The following ADRA1A variants were observed in gnomAD, a reference collection of about 807,000 sequenced individuals.
ADRA1A encodes adrenoceptor alpha 1A.
In ADRA1A, 31 loss-of-function variants were observed where a neutral mutation model predicts 29.6. The observed-to-expected ratio is 1.05, with a 90% CI of 0.79 to 1.41. ADRA1A has a LOEUF of 1.41. Among genes scored for constraint, ADRA1A ranks in the 40% most tolerant of loss-of-function variants. ADRA1A has a pLI of 0.00. For synonymous variants in ADRA1A, 311 were observed against 254.3 expected, an observed-to-expected ratio of 1.22 and a Z score of -2.12; for missense variants, 619 against 601.1, an observed-to-expected ratio of 1.03 and a Z score of -0.31.
intron 2 of ADRA1A, among the ~76,000 whole-genome samples, chr8:26,793,158 C>A (rs992447677): frequency 6.6e-6 from 1 of 151,658 alleles, no homozygotes; most frequent in Admixed American, 6.6e-5. Context: ...ACCAATAGAG[C>A]CATATTTATT....
rs143698318 is a variant in ADRA1A at position 26,820,867 on chromosome 8, C to T, written c.883+43220G>A. ...CAGACAGATTTAGTGTAACCTTTACCATATGCATTAGGCCATTTTGTTGTT... is the reference window on the plus strand; with the variant it reads ...CAGACAGATTTAGTGTAACCTTTACTATATGCATTAGGCCATTTTGTTGTT... On this transcript the variant is annotated intron_variant, in intron 2 of 2. Coordinates refer to ENST00000380573, the MANE Select transcript of ADRA1A (RefSeq NM_000680.4). 4.2e-3 allele frequency among the ~76,000 whole-genome samples: 587 copies of T among 138,282 alleles called. 5 individuals are homozygous for T. Among genetic ancestry groups the T allele is most frequent in the African/African-American group, 0.015 (524 of 35,040 alleles). The allele number at this position is 138,282 out of a possible 152,430, so 90.7% of individuals were successfully genotyped here.
At chr8:26,772,990 C>T (rs1460417866) in intron 2 of ADRA1A, among the ~76,000 whole-genome samples, 1 of 152,136 alleles carries the variant, frequency 6.6e-6, no homozygotes, top group South Asian at 2.1e-4. Flanking sequence ...TCTTTGAATG[C>T]CTGATTTGAA....
At position 26,865,017 on chromosome 8, in the gene ADRA1A, C is replaced by T. The variant is rs112346960; in HGVS notation, c.-48G>A. On this transcript the variant is annotated 5_prime_UTR_variant, in exon 2 of 3. Coordinates refer to ENST00000380573, the MANE Select transcript of ADRA1A (RefSeq NM_000680.4). This position sits in a 1 kb window ranked among gnomAD's most constrained non-coding sequence, Gnocchi z 7.6. ...GGTCCGGCTGTCCAGGGCCACCTCC[C>T]GGGCTGGCGCGGAGGCGGGAGCGCG... 2 of 1,528,658 alleles carry T rather than the reference C, an allele frequency of 1.3e-6. No individual in the cohort carries two copies. The highest frequency in any genetic ancestry group is 1.3e-5 in the South Asian group (1 of 78,592). 94.7% of individuals were successfully genotyped at this position (1,528,658 alleles called of 1,614,324 possible).
Position 26,805,827 on chromosome 8 carries a change from C to T in ADRA1A, c.884-35161G>A, listed in dbSNP as rs1808931777. 6.6e-6 allele frequency among the ~76,000 whole-genome samples: 1 copy of T among 152,070 alleles called. No individual in the cohort carries two copies. Among genetic ancestry groups the T allele is most frequent in the South Asian group, 2.1e-4 (1 of 4,822 alleles). On this transcript the variant is annotated intron_variant, in intron 2 of 2. Transcript: ENST00000380573. This position sits in a 1 kb window ranked among gnomAD's most constrained non-coding sequence, Gnocchi z 4.8. ...ACACATTTATTTTTAACCATTTTCC[C>T]CCCCACATAGATTTGGCATTATTAA...
chr8:26,778,748 T>A (rs1395513275), intron 2 of ADRA1A, among the ~76,000 whole-genome samples: 1 of 129,120 alleles, frequency 7.7e-6, no homozygotes, highest in African/African-American at 3.0e-5. Flanking sequence ...GAACAATGAC[T>A]ATACTTGGAC....
intron 2 of ADRA1A, among the ~76,000 whole-genome samples, chr8:26,863,435 A>T (rs1194772830): frequency 1.3e-5 from 2 of 152,226 alleles, no homozygotes; most frequent in African/African-American, 4.8e-5. Flanking sequence ...TTATTAAAAT[A>T]AAAAAATAAG....
chr8:26,811,572 G>C (rs1288213528), intron 2 of ADRA1A, among the ~76,000 whole-genome samples: 1 of 152,176 alleles, frequency 6.6e-6, no homozygotes, highest in Non-Finnish European at 1.5e-5. Flanking sequence ...CAGTCCACTA[G>C]AGCCCACTCA....
chr8:26,832,704 G>A (rs1353814452), intron 2 of ADRA1A, among the ~76,000 whole-genome samples: 1 of 152,170 alleles, frequency 6.6e-6, no homozygotes, highest in Admixed American at 6.5e-5. Context: ...ACAGGCTCTG[G>A]GAAGTAGACT....
chr8:26,827,384 T>C (rs1810649118), intron 2 of ADRA1A, among the ~76,000 whole-genome samples: 1 of 152,220 alleles, frequency 6.6e-6, no homozygotes, highest in African/African-American at 2.4e-5. Context: ...ACTTAATTTC[T>C]CTGAGTGTCT....
At chr8:26,813,076 C>T (rs979720852) in intron 2 of ADRA1A, among the ~76,000 whole-genome samples, 7 of 152,058 alleles carry the variant, frequency 4.6e-5, no homozygotes, top group Non-Finnish European at 8.8e-5. Context: ...CACTCATACC[C>T]TTCCTGTCAA....
At chr8:26,799,748 A>T (rs1490598833) in intron 2 of ADRA1A, among the ~76,000 whole-genome samples, 1 of 152,230 alleles carries the variant, frequency 6.6e-6, no homozygotes, top group Admixed American at 6.5e-5. Flanking sequence ...CTCTGGGACA[A>T]TAAGTGAATA....
At chr8:26,760,619 TC>T (rs1195827597) in intron 2 of ADRA1A, among the ~76,000 whole-genome samples, 1 of 152,160 alleles carries the variant, frequency 6.6e-6, no homozygotes, top group East Asian at 1.9e-4. Flanking sequence ...ATCACAGGGC[TC>T]TCATGTGGTC....
downstream of ADRA1A, among the ~76,000 whole-genome samples, chr8:26,762,594 G>A (rs1233846579): frequency 6.6e-6 from 1 of 152,142 alleles, no homozygotes; most frequent in Non-Finnish European, 1.5e-5. This position sits in a 1 kb window ranked among gnomAD's most constrained non-coding sequence, Gnocchi z 4.0. Flanking sequence ...ATAATGGAGA[G>A]GATGGGATCA....
rs1413268417 is a variant in ADRA1A at position 26,796,596 on chromosome 8, TCCTA to T, written c.884-25934_884-25931del. On this transcript the variant is annotated intron_variant, in intron 2 of 2. Coordinates refer to ENST00000380573, the MANE Select transcript of ADRA1A (RefSeq NM_000680.4). The surrounding 1 kb of genome is among the most constrained non-coding windows in gnomAD (Gnocchi z 5.0). ...GAGGAAAGATTCGAGGACAAATGTA[TCCTA>T]CACGTGGCCGCAGAGAACAGACACC... Among the ~76,000 whole-genome samples, 1 of 151,966 alleles carries T rather than the reference TCCTA, an allele frequency of 6.6e-6. No homozygotes were observed. Among genetic ancestry groups the T allele is most frequent in the Non-Finnish European group, 1.5e-5 (1 of 68,004 alleles).
In ADRA1A at chr8:26,817,769, C is replaced by A. The variant is rs73562190; in HGVS notation, c.883+46318G>T. ...CTCCAGCCTGGGTGACAGAGCGAGA[C>A]CTTATCTCAGGTAAACAAAAACAAA... On this transcript the variant is annotated intron_variant, in intron 2 of 2. Transcript: ENST00000380573. Among the ~76,000 whole-genome samples, 404 of 152,218 alleles carry A rather than the reference C, an allele frequency of 2.7e-3. 1 individual carries two copies. The highest frequency in any genetic ancestry group is 8.7e-3 in the African/African-American group (361 of 41,516).
chr8:26,824,032 TCAG>T (rs796924407), intron 2 of ADRA1A, among the ~76,000 whole-genome samples: 4 of 152,158 alleles, frequency 2.6e-5, no homozygotes, highest in African/African-American at 9.6e-5. Flanking sequence ...CTCTTCTTGC[TCAG>T]CCCCCACACC....
At chr8:26,818,679 C>T (rs966143845) in intron 2 of ADRA1A, among the ~76,000 whole-genome samples, 1 of 151,912 alleles carries the variant, frequency 6.6e-6, no homozygotes, top group Admixed American at 6.6e-5. Context: ...CTGGATAATA[C>T]ATTAATACCT....
intron 2 of ADRA1A, among the ~76,000 whole-genome samples, chr8:26,797,518 C>CA (rs1563260352): frequency 1.3e-5 from 2 of 151,976 alleles, no homozygotes; most frequent in East Asian, 3.9e-4. Context: ...AGGCTGGGCA[C>CA]AAACTCCTGA....
intron 2 of ADRA1A, among the ~76,000 whole-genome samples, chr8:26,838,551 A>C (rs1471142101): frequency 6.6e-6 from 1 of 152,206 alleles, no homozygotes; most frequent in Non-Finnish European, 1.5e-5. Flanking sequence ...AGACTGATTC[A>C]GGTTAGGCCT....
Sources: gnomAD v4.1 joint callset for allele counts (sites outside exome capture counted in the v4.1 genomes callset) on GRCh38, gnomAD v4.1.1 for gene constraint, Gnocchi (gnomAD v3.1) non-coding constraint, MANE v1.5 for transcripts, NCBI Gene and HGNC (gene_info 2026-07-23, HGNC 2026-07-21) for gene names.